MYO1F: variants seen among roughly 807,000 people sequenced by gnomAD.
The protein encoded by MYO1F is myosin IF.
A neutral mutation model predicts 146.6 loss-of-function variants in MYO1F; 60 were observed. The ratio of observed to expected loss-of-function variants is 0.41; its 90% CI spans 0.33 to 0.51. The LOEUF (loss-of-function observed/expected upper bound fraction) is 0.51, where lower values mean the gene tolerates loss of function less well. Ranked by LOEUF, MYO1F falls within the 20% of genes least tolerant of loss-of-function variation. The pLI is 0.25. For missense variants in MYO1F, 1,274 were observed against 1,534.3 expected (o/e 0.83, Z 2.83); for synonymous variants, 602 against 602.1 (o/e 1.00, Z 0.00).
At chr19:8,551,431 A>G (rs1207106170) in intron 8 of MYO1F, 13 of 278,224 alleles carry the variant, frequency 4.7e-5, no homozygotes, top group Non-Finnish European at 8.2e-5. Flanking sequence ...GGCTCACTGC[A>G]ACTTCCACCT....
At chr19:8,550,000 A>G (rs746157840) in intron 10 of MYO1F, 160 bp downstream of exon 10, 30 of 781,964 alleles carry the variant, frequency 3.8e-5, no homozygotes, top group Middle Eastern at 3.6e-4. Flanking sequence ...GGGTCTTGCT[A>G]TGTTGCCCAG....
intron 4 of MYO1F, among the ~76,000 whole-genome samples, chr19:8,553,894 A>ACACT: frequency 4.2e-4 from 43 of 102,668 alleles, no homozygotes; most frequent in South Asian, 6.6e-4. Context: ...ACACACACAC[A>ACACT]CTCTCTCTCT....
In MYO1F at chr19:8,552,022, C is replaced by G. The variant is rs1045293850; in HGVS notation, c.636+11G>C. Reference sequence around the variant, plus strand: ...GGTGGTGCTCCCTCTCCCCCGGCCCCTTCCCTGCACCTGGTAGTAGATGTG... The same window carrying G: ...GGTGGTGCTCCCTCTCCCCCGGCCCGTTCCCTGCACCTGGTAGTAGATGTG... On this transcript the variant is annotated intron_variant, in intron 7 of 27. Coordinates refer to ENST00000644032, the MANE Select transcript of MYO1F (RefSeq NM_012335.4). The G allele has an allele frequency of 3.1e-6, 5 of 1,614,032 alleles. No individual in the cohort carries two copies. The Admixed American group carries it at 5.0e-5, about 16-fold the overall frequency.
At chr19:8,562,025 TTTTC>T (rs1974156854) in intron 1 of MYO1F, among the ~76,000 whole-genome samples, 1 of 151,492 alleles carries the variant, frequency 6.6e-6, no homozygotes, top group African/African-American at 2.4e-5. Context: ...CTTCCTTCCT[TTTTC>T]TTTTTTTTTC....
At chr19:8,566,027 T>C (rs1483269691) in intron 1 of MYO1F, among the ~76,000 whole-genome samples, 2 of 152,098 alleles carry the variant, frequency 1.3e-5, no homozygotes, top group Non-Finnish European at 2.9e-5. Flanking sequence ...GAGGATCACT[T>C]GAGCCCAGGA....
At chr19:8,542,436 T>G (rs1217348661) in intron 14 of MYO1F, among the ~76,000 whole-genome samples, 2 of 149,096 alleles carry the variant, frequency 1.3e-5, no homozygotes, top group Non-Finnish European at 3.0e-5. Context: ...GGGGCCTGTG[T>G]CAGGAGGGTA....
At chr19:8,550,802 G>T in intron 8 of MYO1F, 108 bp from the exon 9 acceptor site, 1 of 1,491,078 alleles carries the variant, frequency 6.7e-7, no homozygotes, top group East Asian at 2.3e-5. Flanking sequence ...GAGCACCCTT[G>T]GGTCCCTGTC....
At chr19:8,548,191 C>T (rs1242879750) in intron 11 of MYO1F, 46 bp downstream of exon 11, 3 of 1,610,628 alleles carry the variant, frequency 1.9e-6, no homozygotes, top group Non-Finnish European at 2.5e-6. Context: ...CCACCCTGGG[C>T]TGCCCCAGGG....
At chr19:8,569,799 G>C (rs2042075859) in intron 1 of MYO1F, among the ~76,000 whole-genome samples, 1 of 152,154 alleles carries the variant, frequency 6.6e-6, no homozygotes, top group Non-Finnish European at 1.5e-5. Flanking sequence ...ATTCTAGTCT[G>C]TTTGGAATGG....
Position 8,577,367 on chromosome 19 carries a change from C to T in MYO1F, c.-58G>A. 1 of 1,607,970 alleles carries T rather than the reference C, an allele frequency of 6.2e-7. No individual in the cohort carries two copies. The highest frequency in any genetic ancestry group is 1.1e-5 in the South Asian group (1 of 90,748). ...TCCTGAATGGGTCGTGATGGAGGTG[C>T]AGGTTCAGGGGGATCTTGGGGGTGG... is the stretch of plus-strand genomic sequence containing the variant. On this transcript the variant is annotated 5_prime_UTR_variant, in exon 1 of 28. Transcript: ENST00000644032. The surrounding 1 kb of genome is among the most constrained non-coding windows in gnomAD (Gnocchi z 4.3).
At position 8,530,392 on chromosome 19, in the gene MYO1F, A is replaced by G. The variant is rs1972432701; in HGVS notation, c.2159-27T>C. 6.2e-7 allele frequency: 1 copy of G among 1,613,960 alleles called. No individual in the cohort carries two copies. The highest frequency in any genetic ancestry group is 8.5e-7 in the Non-Finnish European group (1 of 1,180,008). The stretch of plus-strand genomic sequence containing the variant: ...TGCGGGGACAGAGGGTGGAGGGCAG[A>G]GCTCCTGATACAGCTCCTCCAGGTC... On this transcript the variant is annotated intron_variant, in intron 20 of 27. Coordinates refer to ENST00000644032, the MANE Select transcript of MYO1F (RefSeq NM_012335.4). The surrounding 1 kb of genome is among the most constrained non-coding windows in gnomAD (Gnocchi z 5.8).
rs1599986093 is a variant in MYO1F at position 8,550,677 on chromosome 19, A to C, written c.789T>G (p.Ile263Met). ...FGETLSAMQV[I>M]GIPPSIQQLV... ...GCTGCTGGATGCTGGGCGGGATCCCAATAACCTGCATAGCACTCTGTGGTA... is the reference window on the plus strand; with the variant it reads ...GCTGCTGGATGCTGGGCGGGATCCCCATAACCTGCATAGCACTCTGTGGTA... Residue 263 changes from isoleucine to methionine, a missense_variant, in exon 9 of 28, where the codon ATT becomes ATG. Around this residue, in one of 2 missense-constraint regions of MYO1F, gnomAD observed 900 missense variants for 1,155.1 expected, o/e 0.78. Coordinates refer to ENST00000644032, the MANE Select transcript of MYO1F (RefSeq NM_012335.4). 1.9e-6 allele frequency: 3 copies of C among 1,614,120 alleles called. No homozygotes were observed. The highest frequency in any genetic ancestry group is 1.3e-5 in the African/African-American group (1 of 75,050).
chr19:8,566,470 T>A (rs2042006972), intron 1 of MYO1F, among the ~76,000 whole-genome samples: 1 of 143,944 alleles, frequency 6.9e-6, no homozygotes, highest in Non-Finnish European at 1.5e-5. Context: ...CCCGGCCTGG[T>A]CTATGCTTTT....
chr19:8,533,125 G>C (rs1972559891), intron 19 of MYO1F, among the ~76,000 whole-genome samples: 2 of 151,712 alleles, frequency 1.3e-5, no homozygotes, highest in South Asian at 4.2e-4. Context: ...GTGCGATCTC[G>C]GCTCCCGGGC....
rs370052026 is a variant in MYO1F at position 8,551,918 on chromosome 19, C to T, written c.637-44G>A. On this transcript the variant is annotated intron_variant, in intron 7 of 27. Transcript: ENST00000644032. ...TCATGCATCTGGTGCTTGCCTGGCT[C>T]AGCCCCTGTGATCCCTCATCTGCCC... 2.9e-5 allele frequency: 46 copies of T among 1,613,992 alleles called. No homozygotes were observed. In the East Asian group the frequency reaches 5.4e-4, roughly 19 times the overall value.
chr19:8,567,514 G>A (rs889350776), intron 1 of MYO1F, among the ~76,000 whole-genome samples: 8 of 152,040 alleles, frequency 5.3e-5, no homozygotes, highest in African/African-American at 1.4e-4. Flanking sequence ...GATTACAGGC[G>A]CCTGGCTGAT....
chr19:8,577,425 G>A lies in MYO1F; in HGVS notation c.-116C>T, dbSNP rs781878301. 39 of 1,203,950 alleles carry A rather than the reference G, an allele frequency of 3.2e-5. No homozygotes were observed. Among genetic ancestry groups the A allele is most frequent in the African/African-American group, 4.5e-5 (3 of 67,070 alleles). 74.6% of individuals were successfully genotyped at this position (1,203,950 alleles called of 1,614,324 possible). ...ATGGCCCTGCTTCTGCCCGTTCACC[G>A]GACTCCCGGCTTTAGTTCCTCTTAC... On this transcript the variant is annotated 5_prime_UTR_variant, in exon 1 of 28. Transcript: ENST00000644032. This position sits in a 1 kb window ranked among gnomAD's most constrained non-coding sequence, Gnocchi z 4.3.
chr19:8,525,537 C>T lies in MYO1F; in HGVS notation c.2796G>A (p.Lys932=). 6.2e-7 allele frequency: 1 copy of T among 1,613,594 alleles called. No homozygotes were observed. Among genetic ancestry groups the T allele is most frequent in the Non-Finnish European group, 8.5e-7 (1 of 1,179,958 alleles). ...CTTGGGACGACCTCCGAGGTTTTCC[C>T]TTGGCCATTCCCTTCCGCGTAGGCT... ...SSKPTRKGMA[K]GKPRRSSQAP... Residue 932 remains lysine (K), a synonymous_variant, in exon 25 of 28, where the codon AAG becomes AAA. Coordinates refer to ENST00000644032, the MANE Select transcript of MYO1F (RefSeq NM_012335.4).
chr19:8,555,479 G>A (rs1221576723), intron 2 of MYO1F, 180 bp downstream of exon 2: 7 of 695,092 alleles, frequency 1.0e-5, no homozygotes, highest in Non-Finnish European at 1.7e-5. Context: ...GACAGAGGGA[G>A]CAGTGGCAGC....
Sources: gnomAD v4.1 joint callset for allele counts (sites outside exome capture counted in the v4.1 genomes callset) on GRCh38, gnomAD v4.1.1 for gene constraint, gnomAD v4.1.1 regional missense constraint, Gnocchi (gnomAD v3.1) non-coding constraint, MANE v1.5 for transcripts, NCBI Gene and HGNC (gene_info 2026-07-23, HGNC 2026-07-21) for gene names.